Variants in LRP1B observed in about 807,000 individuals in gnomAD.
The protein encoded by LRP1B is low-density lipoprotein receptor-related protein 1B.
LRP1B carries 217 observed loss-of-function variants against 556.6 expected under a neutral mutation model. That is an observed-to-expected ratio of 0.39 (90% confidence interval 0.35 to 0.44). The LOEUF (loss-of-function observed/expected upper bound fraction) is 0.44. Among genes scored for constraint, LRP1B ranks in the 20% least tolerant of loss-of-function variants. LRP1B has a pLI of 1.00. For missense variants in LRP1B, 5,053 were observed against 5,620.8 expected, an observed-to-expected ratio of 0.90 and a Z score of 3.23; for synonymous variants, 2,047 against 1,865.8, an observed-to-expected ratio of 1.10 and a Z score of -2.50.
At chr2:141,906,050 G>A (rs539760873) in intron 1 of LRP1B, among the ~76,000 whole-genome samples, 17 of 150,712 alleles carry the variant, frequency 1.1e-4, no homozygotes, top group Non-Finnish European at 2.4e-4. Flanking sequence ...ATCTCTAAAA[G>A]GACTAGACAA....
intron 5 of LRP1B, among the ~76,000 whole-genome samples, chr2:141,230,059 AT>A (rs1370086111): frequency 1.3e-5 from 2 of 152,230 alleles, no homozygotes; most frequent in South Asian, 2.1e-4. Context: ...CTTCAATACC[AT>A]TTTTTTGAAC....
chr2:140,831,189 C>G (rs529041697), intron 31 of LRP1B, among the ~76,000 whole-genome samples: 7 of 152,006 alleles, frequency 4.6e-5, no homozygotes, highest in African/African-American at 1.7e-4. Flanking sequence ...TGTTACAGAG[C>G]CACAAAAGAC....
intron 2 of LRP1B, among the ~76,000 whole-genome samples, chr2:141,498,975 A>C (rs1683615328): frequency 6.6e-6 from 1 of 152,132 alleles, no homozygotes; most frequent in Admixed American, 6.6e-5. Flanking sequence ...TGGTCAGTAC[A>C]TAAATAGATT....
chr2:140,519,204 C>T (rs1331010924), intron 49 of LRP1B, among the ~76,000 whole-genome samples: 1 of 152,104 alleles, frequency 6.6e-6, no homozygotes, highest in Non-Finnish European at 1.5e-5. Flanking sequence ...TACCTGACTT[C>T]AAACTATACT....
chr2:141,806,326 G>C (rs892394635), intron 2 of LRP1B, among the ~76,000 whole-genome samples: 1 of 152,004 alleles, frequency 6.6e-6, no homozygotes, highest in Non-Finnish European at 1.5e-5. Context: ...TGAAAGCTAT[G>C]AGTAGAAAGA....
intron 2 of LRP1B, among the ~76,000 whole-genome samples, chr2:141,627,211 T>G (rs355587): frequency 6.6e-6 from 1 of 152,234 alleles, no homozygotes; most frequent in South Asian, 2.1e-4. Context: ...CTACATACTG[T>G]TGATTCCAGC....
intron 1 of LRP1B, among the ~76,000 whole-genome samples, chr2:141,936,735 T>C (rs2105005879): frequency 6.6e-6 from 1 of 152,332 alleles, no homozygotes; most frequent in African/African-American, 2.4e-5. Context: ...TGCAGTTTCA[T>C]CATTCGTAGG....
At chr2:141,524,262 G>T (rs899857684) in intron 2 of LRP1B, among the ~76,000 whole-genome samples, 1 of 73,682 alleles carries the variant, frequency 1.4e-5, no homozygotes, top group African/African-American at 3.7e-5. Context: ...TATAAGCAAA[G>T]AATATATATA....
intron 1 of LRP1B, among the ~76,000 whole-genome samples, chr2:141,849,567 CTCT>C (rs1195331240): frequency 6.6e-6 from 1 of 151,684 alleles, no homozygotes; most frequent in Non-Finnish European, 1.5e-5. Context: ...TAATTTAAAA[CTCT>C]TCTTGACAAT....
At chr2:140,273,657 A>G (rs1682556148) in intron 85 of LRP1B, among the ~76,000 whole-genome samples, 1 of 151,970 alleles carries the variant, frequency 6.6e-6, no homozygotes, top group South Asian at 2.1e-4. Context: ...ATTCTTATTT[A>G]TTATACTCCC....
intron 31 of LRP1B, among the ~76,000 whole-genome samples, chr2:140,814,802 G>C (rs55935141): frequency 0.26 from 39,184 of 151,990 alleles, 5,415 homozygotes; most frequent in South Asian, 0.33. Flanking sequence ...CCCTAATCTC[G>C]ACCTGGCACA....
At chr2:141,277,260 T>C (rs1685337806) in intron 3 of LRP1B, among the ~76,000 whole-genome samples, 1 of 152,184 alleles carries the variant, frequency 6.6e-6, no homozygotes, top group African/African-American at 2.4e-5. Flanking sequence ...CCACCAGCAG[T>C]GTATAAGCAT....
At chr2:141,026,115 A>G (rs1698210053) in intron 11 of LRP1B, among the ~76,000 whole-genome samples, 1 of 152,090 alleles carries the variant, frequency 6.6e-6, no homozygotes, top group South Asian at 2.1e-4. Flanking sequence ...TTGGAACACA[A>G]TATATCACAC....
chr2:140,308,081 T>C (rs1420087362), intron 83 of LRP1B, among the ~76,000 whole-genome samples: 1 of 151,794 alleles, frequency 6.6e-6, no homozygotes, highest in African/African-American at 2.4e-5. Flanking sequence ...TCAAGTAATA[T>C]ATCAATCACT....
At chr2:140,519,171 G>A (rs565983999) in intron 49 of LRP1B, among the ~76,000 whole-genome samples, 172 of 152,184 alleles carry the variant, frequency 1.1e-3, no homozygotes, top group African/African-American at 4.0e-3. Context: ...TAAGCAAAAA[G>A]AACAAAGCTG....
intron 2 of LRP1B, among the ~76,000 whole-genome samples, chr2:141,806,056 G>T (rs1030955312): frequency 5.3e-5 from 8 of 151,988 alleles, no homozygotes; most frequent in East Asian, 3.9e-4. Flanking sequence ...TTCTTAAAAA[G>T]AAATAATCTA....
intron 3 of LRP1B, among the ~76,000 whole-genome samples, chr2:141,458,568 T>A (rs1573967209): frequency 6.6e-6 from 1 of 152,170 alleles, no homozygotes; most frequent in East Asian, 1.9e-4. Context: ...GATTTATTTT[T>A]TTTAGGCTGA....
rs145633503 is a variant in LRP1B at position 141,703,534 on chromosome 2, G to A, written c.205+106745C>T. 7.6e-3 allele frequency among the ~76,000 whole-genome samples: 1,152 copies of A among 152,044 alleles called. 7 individuals are homozygous for A. The highest frequency in any genetic ancestry group is 0.011 in the Non-Finnish European group (778 of 67,922). On this transcript the variant is annotated intron_variant, in intron 2 of 90. Transcript: ENST00000389484. ...CCAGTACAGAGAGAAAACCATTATGGATGTGTGCCAAGGCACTTTGGATTG... is the reference window on the plus strand; with the variant it reads ...CCAGTACAGAGAGAAAACCATTATGAATGTGTGCCAAGGCACTTTGGATTG...
chr2:142,049,766 G>A (rs2105229496), intron 1 of LRP1B, among the ~76,000 whole-genome samples: 1 of 152,220 alleles, frequency 6.6e-6, no homozygotes, highest in African/African-American at 2.4e-5. Context: ...TTGAAACACT[G>A]ATTCCATTTA....
Sources: allele counts gnomAD v4.1 joint callset (sites outside exome capture counted in the v4.1 genomes callset), GRCh38; gene constraint gnomAD v4.1.1; transcripts MANE v1.5; gene names NCBI Gene and HGNC (gene_info 2026-07-23, HGNC 2026-07-21).